Variants in ZNF469 observed in about 807,000 individuals in gnomAD.
ZNF469 encodes zinc finger protein 469.
ZNF469 carries 1 observed loss-of-function variant against 1.0 expected under a neutral mutation model. The ratio of observed to expected loss-of-function variants is 1.00; its 90% confidence interval spans 0.35 to 4.73. The LOEUF (loss-of-function observed/expected upper bound fraction) is 4.73. Among genes scored for constraint, ZNF469 ranks in the 30% most tolerant of loss-of-function variants. The probability of loss-of-function intolerance (pLI) is 0.16; values close to 1 mark genes in which losing one functional copy is unlikely to be tolerated. For synonymous variants in ZNF469, 2,703 were observed against 2,363.4 expected (o/e 1.14, Z -4.17); for missense variants, 6,100 against 5,356.3 (o/e 1.14, Z -4.33).
At chr16:88,148,616 G>A in the ZNF469 span, among the ~76,000 whole-genome samples, 1 of 152,144 alleles carries the variant, frequency 6.6e-6, no homozygotes, top group African/African-American at 2.4e-5. Context: ...GGTCACTGGT[G>A]TCCTTGAGGC....
At chr16:88,272,509 GGGGGGTGT>G in the ZNF469 span, among the ~76,000 whole-genome samples, 1 of 150,042 alleles carries the variant, frequency 6.7e-6, no homozygotes, top group Non-Finnish European at 1.5e-5. Context: ...TGAATGAACA[GGGGGGTGT>G]ATGGATAGAT....
the ZNF469 span, among the ~76,000 whole-genome samples, chr16:88,322,229 C>G: frequency 6.6e-6 from 1 of 152,326 alleles, no homozygotes; most frequent in African/African-American, 2.4e-5. Context: ...GCTTTTCACC[C>G]AAACCTGTGC....
At chr16:88,205,274 C>T in the ZNF469 span, among the ~76,000 whole-genome samples, 1 of 152,168 alleles carries the variant, frequency 6.6e-6, no homozygotes, top group Non-Finnish European at 1.5e-5. The surrounding 1 kb of genome is among the most constrained non-coding windows in gnomAD (Gnocchi z 4.2). Flanking sequence ...TTCGTAGAAC[C>T]ACCTGATTAT....
chr16:88,436,450 C>G lies in ZNF469; in HGVS notation c.8980C>G (p.Pro2994Ala), dbSNP rs1906580339. 2 of 1,547,728 alleles carry G rather than the reference C, an allele frequency of 1.3e-6. No homozygotes were observed. Among genetic ancestry groups the G allele is most frequent in the Non-Finnish European group, 1.7e-6 (2 of 1,146,970 alleles). ...GGCCATTCCTGAGCTGCACATGGTC[C>G]CAGCGGCTTGGCGAGGCCTGGAGAT... ...PEAIPELHMV[P>A]AAWRGLEMPA... Residue 2994 changes from proline (P) to alanine (A), a missense_variant, in exon 3 of 3, where the codon CCA (proline) becomes GCA (alanine). Physicochemically the swap from Pro to Ala is conservative, Grantham distance 27. Transcript: ENST00000565624.
intron 1 of ZNF469, among the ~76,000 whole-genome samples, chr16:88,408,415 G>A (rs748973505): frequency 1.3e-5 from 2 of 152,268 alleles, no homozygotes; most frequent in African/African-American, 4.8e-5. Context: ...GCCTCCCAAA[G>A]TGCTGGGATT....
the ZNF469 span, among the ~76,000 whole-genome samples, chr16:88,287,419 A>G: frequency 1.3e-5 from 2 of 152,208 alleles, no homozygotes; most frequent in African/African-American, 4.8e-5. Context: ...GCACCAGCGG[A>G]GCCCAGCCAC....
the ZNF469 span, among the ~76,000 whole-genome samples, chr16:88,213,854 C>A: frequency 4.6e-5 from 7 of 152,352 alleles, no homozygotes; most frequent in East Asian, 1.2e-3. Context: ...TCCCAGCTTT[C>A]CGCAGAGGCT....
the ZNF469 span, among the ~76,000 whole-genome samples, chr16:88,174,490 C>T: frequency 2.3e-5 from 3 of 128,256 alleles, no homozygotes; most frequent in African/African-American, 9.6e-5. Context: ...ATCTATCTAT[C>T]TATCTATCTA....
chr16:88,374,800 TGAG>T, the ZNF469 span, among the ~76,000 whole-genome samples: 36,465 of 142,840 alleles, frequency 0.26, 5,596 homozygotes, highest in Non-Finnish European at 0.35. Flanking sequence ...TCGACGCTGC[TGAG>T]CTGTGAGCGG....
chr16:88,159,093 CTGGTCACGGA>C, the ZNF469 span, among the ~76,000 whole-genome samples: 5 of 149,668 alleles, frequency 3.3e-5, no homozygotes, highest in South Asian at 6.6e-4. Flanking sequence ...TCTCACCGTC[CTGGTCACGGA>C]TGCTCACAGG....
chr16:88,122,540 G>C, the ZNF469 span, among the ~76,000 whole-genome samples: 4 of 151,956 alleles, frequency 2.6e-5, no homozygotes, highest in South Asian at 8.3e-4. Flanking sequence ...CTATGGCCAC[G>C]GCAGCCACTC....
the ZNF469 span, among the ~76,000 whole-genome samples, chr16:88,144,130 C>T: frequency 2.0e-5 from 3 of 152,138 alleles, no homozygotes; most frequent in South Asian, 2.1e-4. Context: ...GGGGCCGTCC[C>T]GGAGCAGGGC....
the ZNF469 span, among the ~76,000 whole-genome samples, chr16:88,213,254 A>G: frequency 3.3e-5 from 5 of 151,950 alleles, no homozygotes; most frequent in East Asian, 7.8e-4. Context: ...GCCCGCCACC[A>G]CGCCCAGCTA....
chr16:88,148,354 G>C, the ZNF469 span, among the ~76,000 whole-genome samples: 21 of 152,194 alleles, frequency 1.4e-4, no homozygotes, highest in Non-Finnish European at 2.1e-4. Context: ...CCACACAAGA[G>C]GATGCCCTGC....
chr16:88,367,661 C>T, the ZNF469 span, among the ~76,000 whole-genome samples: 1 of 152,176 alleles, frequency 6.6e-6, no homozygotes, highest in Admixed American at 6.5e-5. Flanking sequence ...TGGAGCCAAG[C>T]CCAAGCATGC....
At chr16:88,396,607 T>TCTGAAGGGAGGCCGGGAGGAGACCCTC (rs1567500049) in intron 1 of ZNF469, among the ~76,000 whole-genome samples, 3 of 72,350 alleles carry the variant, frequency 4.1e-5, no homozygotes, top group Non-Finnish European at 8.5e-5. Flanking sequence ...CGGAGACCCA[T>TCTGAAGGGAGGCCGGGAGGAGACCCTC]CTGAAGGGAG....
chr16:88,194,640 G>C, the ZNF469 span: 1 of 152,256 alleles, frequency 6.6e-6, no homozygotes, highest in East Asian at 1.9e-4. Flanking sequence ...TGCCCCCGGC[G>C]TCTCCTTCCC....
chr16:88,338,074 C>T, the ZNF469 span, among the ~76,000 whole-genome samples: 1 of 151,960 alleles, frequency 6.6e-6, no homozygotes, highest in Non-Finnish European at 1.5e-5. Context: ...GCCAGCGGTT[C>T]CTAACTTTGC....
the ZNF469 span, among the ~76,000 whole-genome samples, chr16:88,227,987 C>G: frequency 3.3e-5 from 5 of 152,180 alleles, no homozygotes; most frequent in Admixed American, 3.3e-4. Flanking sequence ...AGCCAGGCTC[C>G]GCATCCATCG....
Sources: allele counts gnomAD v4.1 joint callset (sites outside exome capture counted in the v4.1 genomes callset), GRCh38; gene constraint gnomAD v4.1.1; non-coding constraint Gnocchi (gnomAD v3.1); transcripts MANE v1.5; gene names NCBI Gene and HGNC (gene_info 2026-07-23, HGNC 2026-07-21).